Variants in AOPEP observed in about 807,000 individuals in gnomAD.
AOPEP encodes the protein aminopeptidase O.
AOPEP carries 77 observed loss-of-function variants against 98.1 expected under a neutral mutation model. That is an observed-to-expected ratio of 0.78 (90% CI 0.65 to 0.95). AOPEP has a LOEUF of 0.95. AOPEP is among the 40% of genes least tolerant of loss of function. The pLI is 0.00. For missense variants in AOPEP, 1,024 were observed against 1,024.7 expected (o/e 1.00, Z 0.01); for synonymous variants, 346 against 365.3 (o/e 0.95, Z 0.60).
At chr9:94,966,051 T>C (rs989154854) in intron 9 of AOPEP, among the ~76,000 whole-genome samples, 1 of 148,014 alleles carries the variant, frequency 6.8e-6, no homozygotes, top group East Asian at 2.0e-4. Context: ...GACTTGGTTC[T>C]ATTGGGAGGC....
intron 5 of AOPEP, among the ~76,000 whole-genome samples, chr9:94,826,656 C>A (rs1437033657): frequency 4.6e-5 from 7 of 152,124 alleles, no homozygotes; most frequent in Admixed American, 2.6e-4. Context: ...TTTAGCAATT[C>A]TTTTTCTAGC....
At chr9:94,752,325 AAC>A (rs1204666980) in intron 1 of AOPEP, among the ~76,000 whole-genome samples, 1 of 151,404 alleles carries the variant, frequency 6.6e-6, no homozygotes, top group East Asian at 1.9e-4. Context: ...TAGAAACAAC[AAC>A]ACACATACAG....
At chr9:94,986,422 A>G (rs1318892913) in intron 11 of AOPEP, among the ~76,000 whole-genome samples, 1 of 152,150 alleles carries the variant, frequency 6.6e-6, no homozygotes, top group African/African-American at 2.4e-5. Context: ...AGCCATTCCT[A>G]TTTACCTTAT....
chr9:94,955,326 T>G, intron 8 of AOPEP, 47 bp downstream of exon 8: 2 of 1,175,926 alleles, frequency 1.7e-6, no homozygotes, highest in South Asian at 2.6e-5. Flanking sequence ...GTGCAGCACT[T>G]TTTAGGCCAC....
intron 13 of AOPEP, chr9:95,019,720 T>C (rs2063307597): frequency 6.6e-6 from 1 of 152,250 alleles, no homozygotes; most frequent in Non-Finnish European, 1.5e-5. Flanking sequence ...GAGAACATAG[T>C]GCTTTTGACC....
At chr9:95,093,570 A>G in the AOPEP span, among the ~76,000 whole-genome samples, 6 of 152,208 alleles carry the variant, frequency 3.9e-5, no homozygotes, top group Non-Finnish European at 5.9e-5. Context: ...TCACACATGC[A>G]AACAAATATA....
At chr9:94,732,375 A>T (rs1830756792) in intron 1 of AOPEP, among the ~76,000 whole-genome samples, 1 of 152,096 alleles carries the variant, frequency 6.6e-6, no homozygotes, top group Admixed American at 6.6e-5. Context: ...ATACAAGCTG[A>T]TGTAGGTTTT....
intron 5 of AOPEP, among the ~76,000 whole-genome samples, chr9:94,838,169 C>G (rs145891308): frequency 6.6e-6 from 1 of 152,090 alleles, no homozygotes; most frequent in African/African-American, 2.4e-5. Context: ...CCACCCATGC[C>G]TGGCTCATTT....
At position 94,850,611 on chromosome 9, in the gene AOPEP, G is replaced by A. The variant is rs75207001; in HGVS notation, c.1364+49609G>A. On this transcript the variant is annotated intron_variant, in intron 5 of 16. Transcript: ENST00000375315. ...TTTGAGCTCACCGCCCGACTCCAGA[G>A]TGGTGCCCTTAATTACGATGCTGTA... Among the ~76,000 whole-genome samples, 11 of 152,326 alleles carry A rather than the reference G, an allele frequency of 7.2e-5. No homozygotes were observed. The East Asian group carries it at 2.1e-3, about 29-fold the overall frequency.
chr9:95,013,496 T>G (rs2062735192), intron 13 of AOPEP, among the ~76,000 whole-genome samples: 1 of 152,120 alleles, frequency 6.6e-6, no homozygotes, highest in Admixed American at 6.6e-5. Flanking sequence ...ATTCCCTTCT[T>G]GATGGTTGGA....
chr9:95,112,951 G>C, the AOPEP span, among the ~76,000 whole-genome samples: 1 of 152,206 alleles, frequency 6.6e-6, no homozygotes, highest in Non-Finnish European at 1.5e-5. Context: ...TGGAGAGGGT[G>C]GGTAGAGAGA....
In AOPEP at chr9:94,728,073, C is replaced by T. The variant is rs138563881; in HGVS notation, c.-136+1322C>T. 4.6e-3 allele frequency among the ~76,000 whole-genome samples: 698 copies of T among 152,272 alleles called. 3 individuals carry two copies. Among genetic ancestry groups the T allele is most frequent in the African/African-American group, 0.016 (678 of 41,538 alleles). ...TTTCTTAAAGGACTCTACTAATGCT[C>T]AAATTTTAGGCTTTTTACAATAGTT... On this transcript the variant is annotated intron_variant, in intron 1 of 16. Coordinates refer to ENST00000375315, the MANE Select transcript of AOPEP (RefSeq NM_001193329.3).
At chr9:94,817,409 A>G (rs1851943488) in intron 5 of AOPEP, among the ~76,000 whole-genome samples, 1 of 152,240 alleles carries the variant, frequency 6.6e-6, no homozygotes, top group South Asian at 2.1e-4. Flanking sequence ...TGGTCCCAGT[A>G]TTTACGAAAT....
chr9:95,073,511 G>A (rs1268895907), intron 14 of AOPEP, among the ~76,000 whole-genome samples: 4 of 152,150 alleles, frequency 2.6e-5, no homozygotes, highest in South Asian at 2.1e-4. Flanking sequence ...CAGGCCGGGC[G>A]CGGGGGCTCC....
the AOPEP span, among the ~76,000 whole-genome samples, chr9:95,124,203 T>C: frequency 6.6e-6 from 1 of 151,744 alleles, no homozygotes; most frequent in South Asian, 2.1e-4. Context: ...AGCCAAGCAT[T>C]GTAGTTCTCC....
intron 9 of AOPEP, among the ~76,000 whole-genome samples, chr9:94,962,091 C>T (rs1172291764): frequency 6.6e-6 from 1 of 152,168 alleles, no homozygotes; most frequent in African/African-American, 2.4e-5. Context: ...GGCTGTGCTG[C>T]TCTTGAAAAC....
At chr9:95,079,070 C>T (rs1476945271) in intron 14 of AOPEP, among the ~76,000 whole-genome samples, 1 of 152,210 alleles carries the variant, frequency 6.6e-6, no homozygotes, top group African/African-American at 2.4e-5. Context: ...CAGAGGCTAT[C>T]AGCCCCTCCC....
chr9:94,753,773 C>T (rs1045368365), intron 1 of AOPEP, among the ~76,000 whole-genome samples: 2 of 152,066 alleles, frequency 1.3e-5, no homozygotes, highest in African/African-American at 4.8e-5. Flanking sequence ...AAAAGATGTG[C>T]CGGGAAAAAG....
chr9:94,829,719 T>G (rs1438083616), intron 5 of AOPEP, among the ~76,000 whole-genome samples: 1 of 151,910 alleles, frequency 6.6e-6, no homozygotes, highest in Non-Finnish European at 1.5e-5. Flanking sequence ...GTCAGATATG[T>G]TAACCCTGGG....
Sources: gnomAD v4.1 joint callset for allele counts (sites outside exome capture counted in the v4.1 genomes callset) on GRCh38, gnomAD v4.1.1 for gene constraint, MANE v1.5 for transcripts, NCBI Gene and HGNC (gene_info 2026-07-23, HGNC 2026-07-21) for gene names.